Variants in STS observed in about 807,000 individuals in gnomAD.
The protein encoded by STS is steryl-sulfatase.
In STS, 7 loss-of-function variants were observed where a neutral mutation model predicts 26.8. The observed-to-expected ratio is 0.26, with a 90% confidence interval of 0.15 to 0.49. The LOEUF (loss-of-function observed/expected upper bound fraction) is 0.49, where lower values mean the gene tolerates loss of function less well. Among genes scored for constraint, STS ranks in the 20% least tolerant of loss-of-function variants. The pLI, the probability that STS is intolerant of heterozygous loss-of-function variation, is 0.98. For synonymous variants in STS, 199 were observed against 189.4 expected (o/e 1.05, Z -0.42); for missense variants, 434 against 465.6 (o/e 0.93, Z 0.63).
At chrX:7,334,459 C>G in intron 10 of STS, among the ~76,000 whole-genome samples, 1 of 111,908 alleles carries the variant, frequency 8.9e-6, no homozygotes, top group Non-Finnish European at 1.9e-5. Flanking sequence ...ACTCCTCTCA[C>G]ACTGAAGAAA....
intron 7 of STS, among the ~76,000 whole-genome samples, chrX:7,288,496 C>G (rs1313954175): frequency 9.0e-6 from 1 of 111,136 alleles, no homozygotes; most frequent in South Asian, 3.8e-4. Context: ...AAGTTCAGGA[C>G]TTAGGAGCAT....
chrX:7,235,724 TGCCA>T (rs1407129838), intron 2 of STS, among the ~76,000 whole-genome samples: 1 of 111,814 alleles, frequency 8.9e-6, no homozygotes, highest in African/African-American at 3.2e-5. Flanking sequence ...GCTGTGATCA[TGCCA>T]CTGCATTCTA....
chrX:7,198,069 C>G (rs1323173553), intron 2 of STS, among the ~76,000 whole-genome samples: 5 of 111,798 alleles, frequency 4.5e-5, no homozygotes, highest in South Asian at 7.5e-4. Flanking sequence ...TGTAACCCCC[C>G]CAATGGATTA....
chrX:7,314,313 C>T (rs1293867707), intron 8 of STS, among the ~76,000 whole-genome samples: 1 of 111,330 alleles, frequency 9.0e-6, no homozygotes, highest in Non-Finnish European at 1.9e-5. Context: ...GACTTGATTG[C>T]ACCACTGCAC....
At chrX:7,150,741 A>G (rs1480811472) in intron 1 of STS, among the ~76,000 whole-genome samples, 2 of 101,596 alleles carry the variant, frequency 2.0e-5, no homozygotes, top group Non-Finnish European at 4.0e-5. Context: ...CTCTTTGCTT[A>G]AAAAAAAAAA....
intron 2 of STS, among the ~76,000 whole-genome samples, chrX:7,238,121 G>GGTGTGTGTGTGTGTGTGTGT (rs55819541): frequency 1.1e-5 from 1 of 88,525 alleles, no homozygotes; most frequent in Non-Finnish European, 2.2e-5. Context: ...AGTATTCCAT[G>GGTGTGTGTGTGTGTGTGTGT]GTGTGTGTGT....
At chrX:7,263,083 T>C (rs1420753154) in intron 6 of STS, among the ~76,000 whole-genome samples, 1 of 112,188 alleles carries the variant, frequency 8.9e-6, no homozygotes, top group Non-Finnish European at 1.9e-5. Flanking sequence ...TTTTTTGTTT[T>C]TTTGAGATAG....
chrX:7,297,967 C>T (rs1306868859), intron 7 of STS, among the ~76,000 whole-genome samples: 6 of 111,661 alleles, frequency 5.4e-5, no homozygotes, highest in Non-Finnish European at 1.9e-5. Flanking sequence ...CTCCTTAGAC[C>T]TTGCTGTCCA....
At chrX:7,233,923 G>A (rs1173007947) in intron 2 of STS, among the ~76,000 whole-genome samples, 1 of 111,975 alleles carries the variant, frequency 8.9e-6, no homozygotes, top group African/African-American at 3.2e-5. Context: ...TTCCTCATCT[G>A]GTTGTTAAAT....
chrX:7,157,818 C>T (rs1161766510), intron 1 of STS, among the ~76,000 whole-genome samples: 1 of 111,598 alleles, frequency 9.0e-6, no homozygotes, highest in African/African-American at 3.3e-5. Flanking sequence ...CCATGTCTGT[C>T]TGACTCCAAA....
intron 2 of STS, among the ~76,000 whole-genome samples, chrX:7,195,395 G>A (rs1933954971): frequency 8.9e-6 from 1 of 112,148 alleles, no homozygotes; most frequent in African/African-American, 3.2e-5. Context: ...GTCTCTGCAT[G>A]GTTTGCAGAA....
At chrX:7,238,163 C>CGTGTGT (rs1251086663) in intron 2 of STS, among the ~76,000 whole-genome samples, 4 of 86,833 alleles carry the variant, frequency 4.6e-5, no homozygotes, top group African/African-American at 1.8e-4. Context: ...TGTGTGTGTA[C>CGTGTGT]ACACAATGCG....
chrX:7,221,209 G>A (rs770177454), intron 2 of STS, among the ~76,000 whole-genome samples: 11 of 112,400 alleles, frequency 9.8e-5, no homozygotes, highest in Non-Finnish European at 1.5e-4. Flanking sequence ...TTTCCCCATT[G>A]CATTTAATTT....
intron 9 of STS, among the ~76,000 whole-genome samples, chrX:7,331,771 A>G (rs772386051): frequency 3.6e-5 from 4 of 110,412 alleles, no homozygotes; most frequent in Non-Finnish European, 5.7e-5. Context: ...TTTTCATGGC[A>G]GAAATGAGGC....
rs189418880 is a variant in STS at position 7,177,503 on chromosome X, G to A, written c.-133-13377G>A. ...TATTTTTTTTTGGAGTTGGGACAGG[G>A]TGTCACTTTGTCACCCAGACTGTCA... On this transcript the variant is annotated intron_variant, in intron 1 of 10. Transcript: ENST00000674429. Among the ~76,000 whole-genome samples, 4 of 106,031 alleles carry A rather than the reference G, an allele frequency of 3.8e-5. No homozygotes were observed. The East Asian group carries it at 1.2e-3, about 31-fold the overall frequency. 92.1% of individuals were successfully genotyped at this position (106,031 alleles called of 115,157 possible).
At chrX:7,295,365 G>C (rs1388926220) in intron 7 of STS, among the ~76,000 whole-genome samples, 4 of 110,929 alleles carry the variant, frequency 3.6e-5, no homozygotes, top group Non-Finnish European at 5.7e-5. Context: ...AATATATTTA[G>C]AGTAGTGAGC....
At position 7,219,817 on chromosome X, in the gene STS, A is replaced by G. The variant is rs1258077159; in HGVS notation, c.-5+28809A>G. 1.7e-5 allele frequency: 14 copies of G among 826,990 alleles called. No individual in the cohort carries two copies. In the Admixed American group the frequency reaches 3.2e-4, roughly 19 times the overall value. The allele number at this position is 826,990 out of a possible 1,213,427, so 68.2% of individuals were successfully genotyped here. A position where few individuals can be genotyped will look rare whatever the true frequency, so the allele number is the denominator to read the frequency against. On this transcript the variant is annotated intron_variant, in intron 2 of 10. Transcript: ENST00000674429. ...GTGTTGTCTTGTTCTTGTTTCTTAA[A>G]TCTGTTTTTGCTTGGTAATTTCCAT...
intron 8 of STS, among the ~76,000 whole-genome samples, chrX:7,324,084 C>T (rs1229598845): frequency 2.7e-5 from 3 of 110,389 alleles, no homozygotes; most frequent in African/African-American, 9.9e-5. Context: ...TTGATTTATA[C>T]ATTTTAGGGA....
chrX:7,265,529 T>C (rs1417116186), intron 6 of STS, among the ~76,000 whole-genome samples: 2 of 112,359 alleles, frequency 1.8e-5, no homozygotes, highest in Admixed American at 9.5e-5. Flanking sequence ...ATCTTGATTA[T>C]CTCTAATTAT....
Sources: allele counts gnomAD v4.1 joint callset (sites outside exome capture counted in the v4.1 genomes callset), GRCh38; gene constraint gnomAD v4.1.1; transcripts MANE v1.5; gene names NCBI Gene and HGNC (gene_info 2026-07-23, HGNC 2026-07-21).